Variants in HECTD4 observed in about 807,000 individuals in gnomAD.
HECTD4 encodes the protein HECT domain E3 ubiquitin protein ligase 4.
Under a neutral mutation model 471.5 loss-of-function variants are expected in HECTD4, and 114 were observed. The observed-to-expected ratio is 0.24, with a 90% CI of 0.21 to 0.28. The LOEUF is 0.28. HECTD4 is among the 10% of genes least tolerant of loss of function. The pLI is 1.00. For synonymous variants in HECTD4, 2,012 were observed against 2,256.0 expected, an observed-to-expected ratio of 0.89 and a Z score of 3.07; for missense variants, 3,866 against 5,651.5, an observed-to-expected ratio of 0.68 and a Z score of 10.13.
intron 48 of HECTD4, among the ~76,000 whole-genome samples, chr12:112,214,295 T>C (rs2032850582): frequency 6.6e-6 from 1 of 152,212 alleles, no homozygotes; most frequent in African/African-American, 2.4e-5. Context: ...TGTGGCCTTA[T>C]AATTTATCTT....
chr12:112,245,600 C>A (rs901449523), intron 29 of HECTD4, among the ~76,000 whole-genome samples: 1 of 152,190 alleles, frequency 6.6e-6, no homozygotes, highest in East Asian at 1.9e-4. Flanking sequence ...GACTTCAAAT[C>A]CCAAGTAAGA....
rs574529891 is a variant in HECTD4 at position 112,194,206 on chromosome 12, G to A, written c.8750-532C>T. Among the ~76,000 whole-genome samples the A allele has an allele frequency of 6.6e-6, 1 of 152,222 alleles. No homozygotes were observed. Among genetic ancestry groups the A allele is most frequent in the Admixed American group, 6.5e-5 (1 of 15,280 alleles). On this transcript the variant is annotated intron_variant, in intron 56 of 75. Transcript: ENST00000682272. This position sits in a 1 kb window ranked among gnomAD's most constrained non-coding sequence, Gnocchi z 4.6. Reference sequence around the variant, plus strand: ...TAGTGCACACATACCCTGGCTGGGTGGGACCCCACAGTTGTGAGCTGGAGG... The same window carrying A: ...TAGTGCACACATACCCTGGCTGGGTAGGACCCCACAGTTGTGAGCTGGAGG...
intron 6 of HECTD4, 87 bp downstream of exon 6, chr12:112,308,666 A>T (rs746577125): frequency 1.1e-4 from 127 of 1,203,384 alleles, no homozygotes; most frequent in Non-Finnish European, 1.4e-4. Context: ...AAATATATCA[A>T]CTGTATTATT....
At chr12:112,258,415 A>G in intron 20 of HECTD4, 81 bp downstream of exon 20, 1 of 999,572 alleles carries the variant, frequency 1.0e-6, no homozygotes. Flanking sequence ...CTTGCTAAAA[A>G]TCATTTTCAT....
chr12:112,189,497 G>A (rs1316243914), intron 60 of HECTD4, among the ~76,000 whole-genome samples: 5 of 134,030 alleles, frequency 3.7e-5, no homozygotes, highest in African/African-American at 1.4e-4. Context: ...CTTGCAGTGA[G>A]CTAAGATGGC....
chr12:112,282,500 T>C (rs1044757108), intron 8 of HECTD4, among the ~76,000 whole-genome samples: 3 of 152,244 alleles, frequency 2.0e-5, no homozygotes, highest in Admixed American at 6.5e-5. Context: ...TAAATTTATC[T>C]TTAATTATAT....
chr12:112,338,020 G>C (rs557448314), intron 1 of HECTD4, among the ~76,000 whole-genome samples: 1 of 152,196 alleles, frequency 6.6e-6, no homozygotes, highest in South Asian at 2.1e-4. Context: ...TAAAACAACA[G>C]ATATTTACTC....
In HECTD4 at chr12:112,363,522, GAAC is replaced by G. The variant is rs557780240; in HGVS notation, c.177+18427_177+18429del. Among the ~76,000 whole-genome samples the G allele has an allele frequency of 3.9e-3, 598 of 152,212 alleles. 4 individuals carry two copies. The highest frequency in any genetic ancestry group is 0.017 in the Middle Eastern group (5 of 294). ...TGCTCAAGTTCACTACTTGATCATA[GAAC>G]AACTAAGTTAAGCAAAAAATTCATT... On this transcript the variant is annotated intron_variant, in intron 1 of 75. Transcript: ENST00000682272.
rs371044336 is a variant in HECTD4, at chr12:112,229,643, T to G, written c.6519+55A>C. 224 of 1,494,112 alleles carry G rather than the reference T, an allele frequency of 1.5e-4. No individual in the cohort carries two copies. The African/African-American group carries it at 2.9e-3, about 19-fold the overall frequency. The allele number at this position is 1,494,112 out of a possible 1,614,324, so 92.6% of individuals were successfully genotyped here. ...GTCTTACAGATGATCAATTAATTAA[T>G]GGATGCTTATATATATGGGGGAAGC... On this transcript the variant is annotated intron_variant, in intron 41 of 75. Transcript: ENST00000682272.
intron 7 of HECTD4, among the ~76,000 whole-genome samples, chr12:112,285,034 T>A (rs2034721946): frequency 6.6e-6 from 1 of 152,108 alleles, no homozygotes; most frequent in Non-Finnish European, 1.5e-5. Context: ...GACAGGGTTT[T>A]GCCATGTTGC....
chr12:112,311,619 C>CAAAAA (rs541436680), intron 4 of HECTD4, among the ~76,000 whole-genome samples: 4 of 46,634 alleles, frequency 8.6e-5, no homozygotes, highest in Admixed American at 2.5e-4. Context: ...GACCCCATCT[C>CAAAAA]AAAAAAAAAA....
At chr12:112,295,501 A>ATT (rs542721726) in intron 7 of HECTD4, among the ~76,000 whole-genome samples, 26 of 133,006 alleles carry the variant, frequency 2.0e-4, no homozygotes, top group Non-Finnish European at 3.3e-4. Flanking sequence ...GCTAATATTA[A>ATT]TTTTTTTTTT....
intron 69 of HECTD4, 156 bp from the exon 70 acceptor site, chr12:112,169,814 A>T: frequency 1.2e-6 from 1 of 836,502 alleles, no homozygotes; most frequent in Non-Finnish European, 2.0e-6. Flanking sequence ...AGAACACCTT[A>T]GAGCCTTCTG....
chr12:112,372,767 G>T (rs545439400), intron 1 of HECTD4, among the ~76,000 whole-genome samples: 111 of 151,604 alleles, frequency 7.3e-4, no homozygotes, highest in African/African-American at 2.2e-3. Context: ...TTTTTGTTTG[G>T]TTTTTTTGAG....
chr12:112,175,403 C>T (rs2031400573), intron 66 of HECTD4, among the ~76,000 whole-genome samples: 1 of 152,184 alleles, frequency 6.6e-6, no homozygotes, highest in Admixed American at 6.5e-5. Context: ...CCAGGAGAAA[C>T]CAGCACTGCT....
At chr12:112,324,991 C>T (rs73209607) in intron 1 of HECTD4, among the ~76,000 whole-genome samples, 79 of 152,172 alleles carry the variant, frequency 5.2e-4, no homozygotes, top group Non-Finnish European at 8.8e-4. Context: ...TCAATATAGT[C>T]TTTTATTGAA....
At chr12:112,349,243 G>C (rs368417809) in intron 1 of HECTD4, among the ~76,000 whole-genome samples, 124 of 151,950 alleles carry the variant, frequency 8.2e-4, no homozygotes, top group African/African-American at 2.9e-3. Context: ...CAAAAACTTA[G>C]CCGGGTGTGG....
chr12:112,316,313 G>C (rs771356241), intron 2 of HECTD4, among the ~76,000 whole-genome samples: 2 of 152,040 alleles, frequency 1.3e-5, no homozygotes, highest in Non-Finnish European at 2.9e-5. Flanking sequence ...GCCTTCCCTG[G>C]CATCTCCAGC....
At chr12:112,311,262 CAA>C (rs533449245) in intron 4 of HECTD4, among the ~76,000 whole-genome samples, 4 of 120,240 alleles carry the variant, frequency 3.3e-5, no homozygotes, top group Admixed American at 1.7e-4. Context: ...AGCTCTGTCT[CAA>C]AAAAAAAAAA....
Sources: gnomAD v4.1 joint callset for allele counts (sites outside exome capture counted in the v4.1 genomes callset) on GRCh38, gnomAD v4.1.1 for gene constraint, Gnocchi (gnomAD v3.1) non-coding constraint, MANE v1.5 for transcripts, NCBI Gene and HGNC (gene_info 2026-07-23, HGNC 2026-07-21) for gene names.